MAST3: variants seen among roughly 807,000 people sequenced by gnomAD.
MAST3 encodes microtubule associated serine/threonine kinase 3.
Under a neutral mutation model 127.0 loss-of-function variants are expected in MAST3, and 43 were observed. That is an observed-to-expected ratio of 0.34 (90% CI 0.27 to 0.44). MAST3 has a LOEUF of 0.44. Ranked by LOEUF, MAST3 falls within the 20% of genes least tolerant of loss-of-function variation. The probability of loss-of-function intolerance (pLI) is 1.00; values close to 1 mark genes in which losing one functional copy is unlikely to be tolerated. For missense variants in MAST3, 1,390 were observed against 1,919.1 expected (o/e 0.72, Z 5.15); for synonymous variants, 785 against 809.2 (o/e 0.97, Z 0.51).
intron 27 of MAST3, among the ~76,000 whole-genome samples, chr19:18,148,875 C>T (rs556518537): frequency 2.9e-4 from 44 of 149,972 alleles, no homozygotes; most frequent in Admixed American, 2.5e-3. Flanking sequence ...TGCACTCCAG[C>T]CTGGGTGACA....
chr19:18,111,920 C>T (rs1469274446), intron 3 of MAST3, among the ~76,000 whole-genome samples: 1 of 152,200 alleles, frequency 6.6e-6, no homozygotes, highest in African/African-American at 2.4e-5. Flanking sequence ...ACTTATGAGG[C>T]ACCTACTGAG....
At chr19:18,122,111 AT>A in intron 5 of MAST3, 189 bp downstream of exon 5, 1 of 985,082 alleles carries the variant, frequency 1.0e-6, no homozygotes, top group South Asian at 4.7e-5. Flanking sequence ...TTGCAGCCAC[AT>A]CCCACGCATG....
intron 5 of MAST3, 145 bp downstream of exon 5, chr19:18,122,067 C>T (rs768112570): frequency 8.8e-6 from 13 of 1,470,684 alleles, no homozygotes; most frequent in South Asian, 4.0e-5. Flanking sequence ...TGGTCTCCCC[C>T]TCTGGCTCCC....
In MAST3 at chr19:18,125,551, G is replaced by A. The variant is rs955720808; in HGVS notation, c.1078+777G>A. Among the ~76,000 whole-genome samples the A allele has an allele frequency of 3.3e-5, 5 of 151,812 alleles. No individual in the cohort carries two copies. In the East Asian group the frequency reaches 9.7e-4, roughly 30 times the overall value. ...AGGTCAGGAGTTCAAGACCAGCCAG[G>A]ACAACATGGTGAAACCCCATCTCTA... On this transcript the variant is annotated intron_variant, in intron 11 of 27. Coordinates refer to ENST00000687212, the MANE Select transcript of MAST3 (RefSeq NM_001393504.1).
In MAST3 at chr19:18,122,704, C is replaced by T. The variant is rs368973182; in HGVS notation, c.352C>T (p.Leu118Phe). ...CGGCAGAAGATGGTCCCTCGCGTCT[C>T]TCCCATCTTCCGGCTATGGAACCAA... ...ADGRRWSLAS[L>F]PSSGYGTNTP... Residue 118 changes from leucine to phenylalanine, a missense_variant, in exon 6 of 28, where the codon CTC (leucine) becomes TTC (phenylalanine). Leu to Phe is a conservative substitution (Grantham distance 22). Around this residue, in one of 5 missense-constraint regions of MAST3, gnomAD observed 45 missense variants for 113.0 expected, o/e 0.40. Transcript: ENST00000687212. 2 of 1,613,492 alleles carry T rather than the reference C, an allele frequency of 1.2e-6. No homozygotes were observed.
At chr19:18,130,798 C>A (rs1357530602) in intron 14 of MAST3, 96 bp downstream of exon 14, 2 of 1,239,598 alleles carry the variant, frequency 1.6e-6, no homozygotes, top group Non-Finnish European at 2.3e-6. Context: ...TCTGTTCTGT[C>A]CTCCATGAGG....
chr19:18,131,816 C>A, intron 14 of MAST3, 93 bp from the exon 15 acceptor site: 2 of 1,413,138 alleles, frequency 1.4e-6, no homozygotes, highest in Non-Finnish European at 9.6e-7. Context: ...GGAGGTAAAG[C>A]GAGGAGGATG....
intron 1 of MAST3, among the ~76,000 whole-genome samples, chr19:18,104,033 G>A (rs1187973906): frequency 6.6e-6 from 1 of 151,854 alleles, no homozygotes; most frequent in Non-Finnish European, 1.5e-5. Flanking sequence ...GCAACATGGT[G>A]AAACCTCATC....
chr19:18,131,930 T>G lies in MAST3; in HGVS notation c.1454T>G (p.Leu485Arg). The change falls in exon 15 of 28, where the codon CTG (leucine) becomes CGG (arginine). Residue 485 changes from leucine to arginine, a missense_variant. Physicochemically the swap from Leu to Arg is moderately radical, Grantham distance 102 (BLOSUM62 -2). Transcript: ENST00000687212. Reference protein sequence around the residue: ...YVEGGDCATLLKNMGPLPVDM... With the variant: ...YVEGGDCATLRKNMGPLPVDM... Reference sequence around the variant, plus strand: ...CCAGGCGGCGACTGCGCCACGCTCCTGAAGAACATGGGCCCGCTGCCCGTG... The same window carrying G: ...CCAGGCGGCGACTGCGCCACGCTCCGGAAGAACATGGGCCCGCTGCCCGTG... 1 of 1,606,866 alleles carries G rather than the reference T, an allele frequency of 6.2e-7. No individual in the cohort carries two copies. The highest frequency in any genetic ancestry group is 8.5e-7 in the Non-Finnish European group (1 of 1,176,920).
At chr19:18,109,957 C>T in intron 2 of MAST3, 1 of 985,342 alleles carries the variant, frequency 1.0e-6, no homozygotes, top group Non-Finnish European at 1.2e-6. Flanking sequence ...GGAGCAATCG[C>T]GCGGACCGCG....
intron 1 of MAST3, among the ~76,000 whole-genome samples, chr19:18,098,396 T>C (rs2037199485): frequency 6.6e-6 from 1 of 152,120 alleles, no homozygotes; most frequent in Non-Finnish European, 1.5e-5. Flanking sequence ...ACCAGCTCTC[T>C]TACGGCACAA....
At chr19:18,114,610 G>A (rs192339378) in intron 3 of MAST3, among the ~76,000 whole-genome samples, 270 of 152,284 alleles carry the variant, frequency 1.8e-3, no homozygotes, top group Non-Finnish European at 2.4e-3. Flanking sequence ...GTAGACTCAG[G>A]GCAGGCCCAG....
intron 7 of MAST3, 99 bp from the exon 8 acceptor site, chr19:18,123,481 C>G (rs1165141696): frequency 6.8e-7 from 1 of 1,474,486 alleles, no homozygotes; most frequent in African/African-American, 1.4e-5. Flanking sequence ...TGAGCCTAGC[C>G]TCTGATTCTT....
chr19:18,117,343 C>A, intron 3 of MAST3, among the ~76,000 whole-genome samples: 1 of 152,188 alleles, frequency 6.6e-6, no homozygotes, highest in Non-Finnish European at 1.5e-5. Flanking sequence ...TCCAATTTCA[C>A]AGTTGAGGAG....
chr19:18,100,689 G>A (rs568341858), intron 1 of MAST3, among the ~76,000 whole-genome samples: 3 of 152,294 alleles, frequency 2.0e-5, no homozygotes, highest in Non-Finnish European at 2.9e-5. Context: ...TACCCACCAG[G>A]AAGCCAGAGA....
intron 11 of MAST3, among the ~76,000 whole-genome samples, chr19:18,126,093 G>A (rs1371713874): frequency 1.3e-5 from 2 of 151,908 alleles, no homozygotes; most frequent in East Asian, 1.9e-4. Context: ...GTAGTAGTGC[G>A]CGCCTGTAGT....
chr19:18,107,029 T>G (rs965925073), intron 1 of MAST3, among the ~76,000 whole-genome samples: 2 of 135,096 alleles, frequency 1.5e-5, no homozygotes, highest in Admixed American at 1.6e-4. Flanking sequence ...TTGCCCAGGC[T>G]AGTTTCAAAC....
chr19:18,147,949 G>A (rs2043198694), intron 27 of MAST3, among the ~76,000 whole-genome samples: 1 of 152,074 alleles, frequency 6.6e-6, no homozygotes, highest in Non-Finnish European at 1.5e-5. Flanking sequence ...GAGCCCAGGA[G>A]TTTGAGACCA....
At chr19:18,114,956 G>A (rs1206395999) in intron 3 of MAST3, among the ~76,000 whole-genome samples, 1 of 152,134 alleles carries the variant, frequency 6.6e-6, no homozygotes. Flanking sequence ...CGTTGAACGG[G>A]GGTGTCTGTA....
Sources: allele counts gnomAD v4.1 joint callset (sites outside exome capture counted in the v4.1 genomes callset), GRCh38; gene constraint gnomAD v4.1.1; regional missense constraint gnomAD v4.1.1; transcripts MANE v1.5; gene names NCBI Gene and HGNC (gene_info 2026-07-23, HGNC 2026-07-21).